Variants in OXR1 observed in about 807,000 individuals in gnomAD.
OXR1 encodes oxidation resistance protein 1.
In OXR1, 41 loss-of-function variants were observed where a neutral mutation model predicts 104.6. The ratio of observed to expected loss-of-function variants is 0.39; its 90% CI spans 0.31 to 0.51. The LOEUF is 0.51. OXR1 is among the 20% of genes least tolerant of loss of function. OXR1 has a pLI of 0.77. For missense variants in OXR1, 955 were observed against 1,031.9 expected (o/e 0.93, Z 1.02); for synonymous variants, 348 against 348.4 (o/e 1.00, Z 0.01).
chr8:106,413,046 C>T lies in OXR1; in HGVS notation c.23+53410C>T, dbSNP rs769845106. The stretch of plus-strand genomic sequence containing the variant: ...TTAGTTGTGTATGACTGACTTAGAA[C>T]ATTTTTTGGCAAATAACCAAGGAAA... On this transcript the variant is annotated intron_variant, in intron 2 of 16. Coordinates refer to ENST00000517566, the MANE Select transcript of OXR1 (RefSeq NM_001198533.2). Among the ~76,000 whole-genome samples the T allele has an allele frequency of 7.2e-5, 11 of 152,096 alleles. No homozygotes were observed. The East Asian group carries it at 1.2e-3, about 16-fold the overall frequency.
At chr8:106,307,510 A>G (rs898318305) in intron 1 of OXR1, among the ~76,000 whole-genome samples, 2 of 151,882 alleles carry the variant, frequency 1.3e-5, no homozygotes, top group African/African-American at 4.8e-5. Context: ...CTCAGGTTCA[A>G]ACACTTAACT....
intron 2 of OXR1, among the ~76,000 whole-genome samples, chr8:106,515,099 C>T (rs975247000): frequency 2.6e-5 from 4 of 151,978 alleles, no homozygotes; most frequent in African/African-American, 9.7e-5. Flanking sequence ...TAAGTCTTGG[C>T]GTGTGTAAGT....
At chr8:106,402,997 T>C (rs1818063442) in intron 2 of OXR1, among the ~76,000 whole-genome samples, 1 of 152,108 alleles carries the variant, frequency 6.6e-6, no homozygotes, top group African/African-American at 2.4e-5. Flanking sequence ...AATTTTTGTA[T>C]TTTTAGTACA....
intron 1 of OXR1, among the ~76,000 whole-genome samples, chr8:106,314,413 C>G (rs1211099364): frequency 6.6e-6 from 1 of 152,146 alleles, no homozygotes; most frequent in Non-Finnish European, 1.5e-5. Context: ...ATGAAGCTGA[C>G]TATAATATGC....
intron 2 of OXR1, among the ~76,000 whole-genome samples, chr8:106,424,581 A>G (rs972974849): frequency 1.3e-5 from 2 of 152,128 alleles, no homozygotes; most frequent in African/African-American, 4.8e-5. Context: ...GAGCACTACA[A>G]TGACCATACA....
intron 3 of OXR1, among the ~76,000 whole-genome samples, chr8:106,667,334 C>G (rs1032892624): frequency 6.6e-6 from 1 of 152,182 alleles, no homozygotes; most frequent in Non-Finnish European, 1.5e-5. Context: ...TGATATTTCT[C>G]TCAATCAAAC....
At chr8:106,647,027 TAATA>T (rs1401279312) in intron 3 of OXR1, among the ~76,000 whole-genome samples, 3 of 152,222 alleles carry the variant, frequency 2.0e-5, no homozygotes, top group Non-Finnish European at 2.9e-5. Flanking sequence ...TTACTGTCTT[TAATA>T]GGATTAAAAA....
At chr8:106,529,281 TGGG>T (rs1255948821) in intron 3 of OXR1, among the ~76,000 whole-genome samples, 1 of 152,220 alleles carries the variant, frequency 6.6e-6, no homozygotes, top group African/African-American at 2.4e-5. Flanking sequence ...GCATGTTTGT[TGGG>T]GGCGATATTT....
intron 2 of OXR1, among the ~76,000 whole-genome samples, chr8:106,415,036 G>A (rs987683082): frequency 2.0e-5 from 3 of 152,222 alleles, no homozygotes; most frequent in Admixed American, 6.5e-5. Context: ...AATTTAATCT[G>A]AGTCATCCTT....
At chr8:106,692,131 T>G (rs1347290102) in intron 6 of OXR1, among the ~76,000 whole-genome samples, 2 of 152,068 alleles carry the variant, frequency 1.3e-5, no homozygotes, top group Admixed American at 6.6e-5. Context: ...TCCAAAACAT[T>G]CTGAGAAGCT....
At chr8:106,633,471 A>G (rs938737672) in intron 3 of OXR1, among the ~76,000 whole-genome samples, 1 of 152,166 alleles carries the variant, frequency 6.6e-6, no homozygotes, top group African/African-American at 2.4e-5. Context: ...TCTTTGTATC[A>G]TTAAAGTAAG....
At chr8:106,377,306 C>G (rs564199211) in intron 2 of OXR1, among the ~76,000 whole-genome samples, 36 of 151,996 alleles carry the variant, frequency 2.4e-4, no homozygotes, top group Non-Finnish European at 4.7e-4. Flanking sequence ...TCTCAGTCTC[C>G]CCGGTAGATG....
At chr8:106,419,013 A>G (rs926409881) in intron 2 of OXR1, among the ~76,000 whole-genome samples, 5 of 152,196 alleles carry the variant, frequency 3.3e-5, no homozygotes, top group African/African-American at 1.2e-4. Flanking sequence ...ATATAGCACT[A>G]TTATCAGAAA....
chr8:106,380,199 A>G (rs1230343740), intron 2 of OXR1, among the ~76,000 whole-genome samples: 1 of 152,088 alleles, frequency 6.6e-6, no homozygotes, highest in Non-Finnish European at 1.5e-5. Context: ...TCTTAGATAA[A>G]TTATATCATA....
chr8:106,388,924 AG>A (rs922932601), intron 2 of OXR1, among the ~76,000 whole-genome samples: 25 of 152,310 alleles, frequency 1.6e-4, no homozygotes, highest in African/African-American at 6.0e-4. Flanking sequence ...CTCCCACTTT[AG>A]GGTAGTTTCT....
intron 3 of OXR1, chr8:106,605,106 G>A (rs1220864822): frequency 1.3e-5 from 2 of 152,168 alleles, no homozygotes; most frequent in Non-Finnish European, 2.9e-5. Flanking sequence ...AATTTGCACT[G>A]GGGCAAAATC....
intron 1 of OXR1, among the ~76,000 whole-genome samples, chr8:106,335,899 C>A (rs1352321000): frequency 3.9e-5 from 6 of 152,096 alleles, no homozygotes; most frequent in South Asian, 2.1e-4. Context: ...AGTTTGAAAC[C>A]AGCCTGGCCA....
chr8:106,415,252 T>C (rs1485321575), intron 2 of OXR1, among the ~76,000 whole-genome samples: 1 of 152,156 alleles, frequency 6.6e-6, no homozygotes, highest in Non-Finnish European at 1.5e-5. Flanking sequence ...TCTGCAGGCC[T>C]AAAATCTATT....
intron 2 of OXR1, among the ~76,000 whole-genome samples, chr8:106,373,827 T>A (rs1412527406): frequency 1.3e-5 from 2 of 152,206 alleles, no homozygotes; most frequent in Non-Finnish European, 2.9e-5. Context: ...TGACCTCAAG[T>A]TATCTGCCTG....
Sources: allele counts gnomAD v4.1 joint callset (sites outside exome capture counted in the v4.1 genomes callset), GRCh38; gene constraint gnomAD v4.1.1; transcripts MANE v1.5; gene names NCBI Gene and HGNC (gene_info 2026-07-23, HGNC 2026-07-21).